The following MGST2 variants were observed in gnomAD, a reference collection of about 807,000 sequenced individuals.
MGST2 encodes microsomal glutathione S-transferase 2.
A neutral mutation model predicts 16.6 loss-of-function variants in MGST2; 9 were observed. The ratio of observed to expected loss-of-function variants is 0.54; its 90% CI spans 0.33 to 0.95. The LOEUF is 0.95. Ranked by LOEUF, MGST2 falls within the 40% of genes least tolerant of loss-of-function variation. The probability of loss-of-function intolerance (pLI) is 0.03; values close to 1 mark genes in which losing one functional copy is unlikely to be tolerated. For synonymous variants in MGST2, 79 were observed against 68.0 expected (o/e 1.16, Z -0.79); for missense variants, 159 against 175.1 (o/e 0.91, Z 0.52).
chr4:139,684,233 A>G (rs1329242003), intron 2 of MGST2, among the ~76,000 whole-genome samples: 1 of 152,100 alleles, frequency 6.6e-6, no homozygotes, highest in Non-Finnish European at 1.5e-5. Flanking sequence ...GCCTAAAACC[A>G]TCAGATCTTG....
chr4:139,697,701 A>G (rs1277120031), intron 3 of MGST2, among the ~76,000 whole-genome samples: 1 of 152,216 alleles, frequency 6.6e-6, no homozygotes, highest in Non-Finnish European at 1.5e-5. Flanking sequence ...ATGTACTTGC[A>G]TGTAGGACAA....
chr4:139,686,412 G>C (rs540057101), intron 2 of MGST2, among the ~76,000 whole-genome samples: 2 of 152,176 alleles, frequency 1.3e-5, no homozygotes, highest in Non-Finnish European at 2.9e-5. Flanking sequence ...GAGGTATAAG[G>C]GGGTATGTCT....
intron 5 of MGST2, chr4:139,720,278 T>C (rs763765311): frequency 7.0e-6 from 11 of 1,571,946 alleles, no homozygotes; most frequent in Non-Finnish European, 9.5e-6. Context: ...TCGCATGCTC[T>C]GGAGGGCTGC....
intron 2 of MGST2, 114 bp from the exon 3 acceptor site, chr4:139,695,083 G>GT: frequency 1.4e-6 from 1 of 740,366 alleles, no homozygotes. Flanking sequence ...AAACTCTTTT[G>GT]TAAGTTCTTA....
At chr4:139,746,854 A>G in the MGST2 span, among the ~76,000 whole-genome samples, 1 of 152,128 alleles carries the variant, frequency 6.6e-6, no homozygotes, top group African/African-American at 2.4e-5. Flanking sequence ...CCTTCCTTTG[A>G]TCAAGTAAAG....
At chr4:139,677,504 A>AT (rs56082407) in intron 1 of MGST2, among the ~76,000 whole-genome samples, 31,909 of 144,998 alleles carry the variant, frequency 0.22, 3,872 homozygotes, top group East Asian at 0.32. Flanking sequence ...GTGAATCTGC[A>AT]TTTTTTTTTT....
downstream of MGST2, chr4:139,705,536 AGTTTCAGT>A (rs1469819086): frequency 1.3e-5 from 2 of 151,974 alleles, no homozygotes; most frequent in African/African-American, 4.8e-5. Flanking sequence ...AAGGAGAGAG[AGTTTCAGT>A]GTTTCAGTAA....
At chr4:139,705,818 G>C (rs919599831), downstream of MGST2, 2 of 152,156 alleles carry the variant, frequency 1.3e-5, no homozygotes, top group Non-Finnish European at 2.9e-5. Flanking sequence ...GGGAAGTACA[G>C]CGGAACCCCC....
chr4:139,719,443 G>A (rs755325160), intron 5 of MGST2: 8 of 1,614,004 alleles, frequency 5.0e-6, no homozygotes, highest in East Asian at 2.2e-5. Flanking sequence ...CCCCAGCTCC[G>A]TCGCCACTGT....
At chr4:139,729,579 G>A (rs1728619686) in intron 5 of MGST2, among the ~76,000 whole-genome samples, 1 of 152,210 alleles carries the variant, frequency 6.6e-6, no homozygotes, top group South Asian at 2.1e-4. Flanking sequence ...CTATAAGAAA[G>A]AGCCTGCTGT....
the MGST2 span, among the ~76,000 whole-genome samples, chr4:139,752,207 G>A: frequency 6.6e-6 from 1 of 152,100 alleles, no homozygotes; most frequent in Non-Finnish European, 1.5e-5. Context: ...CTCACGTTAC[G>A]TACTACTAGA....
intron 5 of MGST2, chr4:139,740,097 G>A (rs998582150): frequency 6.6e-6 from 1 of 152,120 alleles, no homozygotes. Flanking sequence ...GCCACAAAGA[G>A]CTCCTAAGTC....
intron 5 of MGST2, among the ~76,000 whole-genome samples, chr4:139,729,524 A>C (rs1032913210): frequency 5.3e-5 from 8 of 152,202 alleles, no homozygotes; most frequent in Non-Finnish European, 1.0e-4. Flanking sequence ...ACTGTGAGGC[A>C]GACTTATGTT....
intron 2 of MGST2, among the ~76,000 whole-genome samples, chr4:139,680,232 TA>T (rs8192070): frequency 0.24 from 36,902 of 152,078 alleles, 5,000 homozygotes; most frequent in African/African-American, 0.35. Context: ...CCAATGTTTA[TA>T]ATTATTGTGA....
chr4:139,725,107 T>G (rs1054608548), intron 5 of MGST2, among the ~76,000 whole-genome samples: 23 of 152,282 alleles, frequency 1.5e-4, no homozygotes, highest in Admixed American at 9.2e-4. Flanking sequence ...TGAACGGGCC[T>G]TCCACATTTA....
chr4:139,692,467 C>G (rs1726665991), intron 2 of MGST2, among the ~76,000 whole-genome samples: 1 of 152,188 alleles, frequency 6.6e-6, no homozygotes, highest in South Asian at 2.1e-4. Context: ...AGTACAATAC[C>G]CTCCCCAGGT....
rs562100960 is a variant in MGST2, at chr4:139,686,886, T to C, written c.158+8244T>C. Among the ~76,000 whole-genome samples, 48 of 152,222 alleles carry C rather than the reference T, an allele frequency of 3.2e-4. 1 individual carries two copies. The highest frequency in any genetic ancestry group is 1.9e-3 in the Admixed American group (29 of 15,276). Reference sequence around the variant, plus strand: ...TTGTCTTTCATGATCTGAAAACTTGTTGGGAACTACTGGGTATCAAGGAGG... The same window carrying C: ...TTGTCTTTCATGATCTGAAAACTTGCTGGGAACTACTGGGTATCAAGGAGG... On this transcript the variant is annotated intron_variant, in intron 2 of 4. Transcript: ENST00000265498.
intron 5 of MGST2, among the ~76,000 whole-genome samples, chr4:139,729,094 C>G (rs1403054991): frequency 6.9e-6 from 1 of 145,810 alleles, no homozygotes; most frequent in Non-Finnish European, 1.5e-5. Flanking sequence ...ACAATAGCTG[C>G]CAGGCGGCTG....
intron 1 of MGST2, among the ~76,000 whole-genome samples, chr4:139,675,035 A>G (rs1175186193): frequency 6.6e-6 from 1 of 152,244 alleles, no homozygotes; most frequent in African/African-American, 2.4e-5. Context: ...GACAGTGGTC[A>G]GCATTTTCCA....
Sources: gnomAD v4.1 joint callset for allele counts (sites outside exome capture counted in the v4.1 genomes callset) on GRCh38, gnomAD v4.1.1 for gene constraint, MANE v1.5 for transcripts, NCBI Gene and HGNC (gene_info 2026-07-23, HGNC 2026-07-21) for gene names.